Variants in SYT1 observed in about 807,000 individuals in gnomAD.
SYT1 encodes the protein synaptotagmin-1.
In SYT1, 8 loss-of-function variants were observed where a neutral mutation model predicts 44.8. The observed-to-expected ratio is 0.18, with a 90% CI of 0.10 to 0.32. The LOEUF (loss-of-function observed/expected upper bound fraction) is 0.32. SYT1 is among the 10% of genes least tolerant of loss of function. The probability of loss-of-function intolerance (pLI) is 1.00; values close to 1 mark genes in which losing one functional copy is unlikely to be tolerated. For missense variants in SYT1, 286 were observed against 509.3 expected, an observed-to-expected ratio of 0.56 and a Z score of 4.22; for synonymous variants, 154 against 188.8, an observed-to-expected ratio of 0.82 and a Z score of 1.51.
chr12:79,253,475 A>G (rs1877337170), intron 4 of SYT1, among the ~76,000 whole-genome samples: 1 of 133,132 alleles, frequency 7.5e-6, no homozygotes, highest in African/African-American at 2.9e-5. Context: ...ACCAAAAGCC[A>G]TTGCCCAGTC....
At chr12:79,272,515 G>T (rs1198192691) in intron 4 of SYT1, among the ~76,000 whole-genome samples, 1 of 152,138 alleles carries the variant, frequency 6.6e-6, no homozygotes, top group Non-Finnish European at 1.5e-5. Flanking sequence ...TTTTCCAATG[G>T]GGTAGGAAAC....
chr12:79,275,368 G>A (rs1878655960), intron 4 of SYT1, among the ~76,000 whole-genome samples: 1 of 152,120 alleles, frequency 6.6e-6, no homozygotes, highest in Non-Finnish European at 1.5e-5. Flanking sequence ...AAAACTCAGT[G>A]AGAGTGCACC....
At chr12:79,102,726 T>C (rs1387032467) in intron 3 of SYT1, among the ~76,000 whole-genome samples, 2 of 152,178 alleles carry the variant, frequency 1.3e-5, no homozygotes, top group Non-Finnish European at 2.9e-5. Context: ...AATACCTCAT[T>C]GGCTGTCATT....
At chr12:79,072,216 A>G (rs1876330099) in intron 3 of SYT1, among the ~76,000 whole-genome samples, 1 of 152,166 alleles carries the variant, frequency 6.6e-6, no homozygotes. Flanking sequence ...GGGGTAAAAA[A>G]GAGCAACAAC....
At chr12:79,363,207 T>C (rs1371114292) in intron 9 of SYT1, among the ~76,000 whole-genome samples, 1 of 152,120 alleles carries the variant, frequency 6.6e-6, no homozygotes, top group Admixed American at 6.6e-5. Flanking sequence ...AATTCCTATT[T>C]TTAAAAATTA....
chr12:79,259,894 T>C (rs1456814094), intron 4 of SYT1, among the ~76,000 whole-genome samples: 1 of 152,210 alleles, frequency 6.6e-6, no homozygotes, highest in African/African-American at 2.4e-5. Flanking sequence ...TGAGTATGAT[T>C]GGCAAAAAGA....
At chr12:79,215,360 TG>T (rs1401030870) in intron 3 of SYT1, among the ~76,000 whole-genome samples, 1 of 152,164 alleles carries the variant, frequency 6.6e-6, no homozygotes, top group Non-Finnish European at 1.5e-5. Flanking sequence ...CCAGACACTA[TG>T]CTAATTTTTT....
intron 3 of SYT1, among the ~76,000 whole-genome samples, chr12:79,140,363 G>A (rs1254574216): frequency 6.6e-6 from 1 of 151,964 alleles, no homozygotes; most frequent in Admixed American, 6.6e-5. Flanking sequence ...TAGAATTCTT[G>A]TGTCTATAAA....
At chr12:79,154,033 A>C (rs1382489215) in intron 3 of SYT1, among the ~76,000 whole-genome samples, 2 of 152,128 alleles carry the variant, frequency 1.3e-5, no homozygotes. Context: ...ATAAACTTAA[A>C]GTCCATTGAT....
At chr12:79,242,608 A>G (rs569827062) in intron 4 of SYT1, among the ~76,000 whole-genome samples, 42 of 152,338 alleles carry the variant, frequency 2.8e-4, no homozygotes, top group Non-Finnish European at 5.1e-4. Flanking sequence ...ACAATTTCAG[A>G]AATTGAAGAT....
At chr12:79,127,934 A>G (rs1235486195) in intron 3 of SYT1, among the ~76,000 whole-genome samples, 1 of 152,240 alleles carries the variant, frequency 6.6e-6, no homozygotes, top group Non-Finnish European at 1.5e-5. Context: ...TCATAGATAG[A>G]TAGATGGGTA....
At chr12:79,262,502 A>G (rs545723850) in intron 4 of SYT1, among the ~76,000 whole-genome samples, 2 of 152,308 alleles carry the variant, frequency 1.3e-5, no homozygotes, top group Non-Finnish European at 2.9e-5. Flanking sequence ...AATTACTAGA[A>G]GTTTCTGGAA....
intron 1 of SYT1, among the ~76,000 whole-genome samples, chr12:78,883,055 T>A (rs1874543396): frequency 6.6e-6 from 1 of 151,692 alleles, no homozygotes; most frequent in Non-Finnish European, 1.5e-5. Flanking sequence ...TTTAAAAAAA[T>A]ATCTTATTAC....
chr12:79,158,599 A>G (rs968817974), intron 3 of SYT1, among the ~76,000 whole-genome samples: 3 of 151,920 alleles, frequency 2.0e-5, no homozygotes, highest in African/African-American at 7.3e-5. Context: ...TCTGAGTAAT[A>G]ATAATAGATG....
At chr12:79,175,753 G>A (rs1451007235) in intron 3 of SYT1, among the ~76,000 whole-genome samples, 1 of 151,992 alleles carries the variant, frequency 6.6e-6, no homozygotes, top group Non-Finnish European at 1.5e-5. Flanking sequence ...GTTTACCCAT[G>A]TGGAACCATG....
intron 9 of SYT1, among the ~76,000 whole-genome samples, chr12:79,394,421 T>C (rs1175046713): frequency 6.6e-6 from 1 of 152,186 alleles, no homozygotes; most frequent in Non-Finnish European, 1.5e-5. Flanking sequence ...ATTTAACCTG[T>C]GTAGGCAACT....
chr12:79,290,114 C>A (rs1309616399), intron 5 of SYT1, among the ~76,000 whole-genome samples: 1 of 152,102 alleles, frequency 6.6e-6, no homozygotes, highest in African/African-American at 2.4e-5. Flanking sequence ...AATGTTTCTA[C>A]ACCGATGTAT....
chr12:79,254,285 T>A (rs1441685434), intron 4 of SYT1, among the ~76,000 whole-genome samples: 2 of 152,224 alleles, frequency 1.3e-5, no homozygotes, highest in South Asian at 2.1e-4. Flanking sequence ...TTAAGAATGA[T>A]GACACAGCTA....
chr12:79,252,058 A>C (rs1048011510), intron 4 of SYT1, among the ~76,000 whole-genome samples: 16 of 152,074 alleles, frequency 1.1e-4, no homozygotes, highest in African/African-American at 3.9e-4. Flanking sequence ...TTTGAAGAGC[A>C]AAAATTTACA....
Sources: allele counts gnomAD v4.1 joint callset (sites outside exome capture counted in the v4.1 genomes callset), GRCh38; gene constraint gnomAD v4.1.1; transcripts MANE v1.5; gene names NCBI Gene and HGNC (gene_info 2026-07-23, HGNC 2026-07-21).